EPB41L3: variants seen among roughly 807,000 people sequenced by gnomAD.
The protein encoded by EPB41L3 is band 4.1-like protein 3.
Under a neutral mutation model 127.1 loss-of-function variants are expected in EPB41L3, and 57 were observed. That is an observed-to-expected ratio of 0.45 (90% CI 0.36 to 0.56). The LOEUF is 0.56. Ranked by LOEUF, EPB41L3 falls within the 20% of genes least tolerant of loss-of-function variation. The pLI, the probability that EPB41L3 is intolerant of heterozygous loss-of-function variation, is 0.00. For missense variants in EPB41L3, 1,273 were observed against 1,372.2 expected (o/e 0.93, Z 1.14); for synonymous variants, 572 against 549.5 (o/e 1.04, Z -0.57).
At chr18:5,502,106 T>C (rs373941467) in intron 1 of EPB41L3, among the ~76,000 whole-genome samples, 1 of 152,168 alleles carries the variant, frequency 6.6e-6, no homozygotes, top group Admixed American at 6.5e-5. Context: ...GGCCCTGTGG[T>C]TGGGGCTGCC....
chr18:5,447,573 T>C (rs1432095516), intron 3 of EPB41L3, among the ~76,000 whole-genome samples: 1 of 152,026 alleles, frequency 6.6e-6, no homozygotes, highest in African/African-American at 2.4e-5. Context: ...ACAAAAACTT[T>C]TCTCTACAAG....
intron 3 of EPB41L3, among the ~76,000 whole-genome samples, chr18:5,459,029 C>A (rs1172905807): frequency 6.6e-6 from 1 of 152,142 alleles, no homozygotes; most frequent in Non-Finnish European, 1.5e-5. Context: ...CAGGCACTTC[C>A]ATGAACCACA....
At chr18:5,594,249 T>C (rs978531084) in intron 3 of EPB41L3, among the ~76,000 whole-genome samples, 7 of 152,202 alleles carry the variant, frequency 4.6e-5, no homozygotes, top group African/African-American at 9.6e-5. Flanking sequence ...ATCCATGTTC[T>C]TCTGCCATGG....
At chr18:5,486,267 A>C (rs748751942) in intron 2 of EPB41L3, among the ~76,000 whole-genome samples, 6 of 152,136 alleles carry the variant, frequency 3.9e-5, no homozygotes, top group Non-Finnish European at 7.4e-5. Context: ...GGTGTAGGGA[A>C]AACTGGATAA....
chr18:5,450,485 G>A (rs1451786557), intron 3 of EPB41L3, among the ~76,000 whole-genome samples: 1 of 151,284 alleles, frequency 6.6e-6, no homozygotes, highest in Non-Finnish European at 1.5e-5. Flanking sequence ...GAGGGGAAGA[G>A]TGTGAGGGGG....
chr18:5,544,601 T>TAG (rs1481701010), upstream of EPB41L3, among the ~76,000 whole-genome samples: 1 of 152,172 alleles, frequency 6.6e-6, no homozygotes, highest in African/African-American at 2.4e-5. Context: ...CGGAGGTGGC[T>TAG]CACTGACTTG....
chr18:5,569,320 A>C (rs2094247089), intron 3 of EPB41L3, among the ~76,000 whole-genome samples: 1 of 152,248 alleles, frequency 6.6e-6, no homozygotes, highest in Admixed American at 6.5e-5. Context: ...CCAATCACTC[A>C]CCTTTTAATT....
intron 3 of EPB41L3, among the ~76,000 whole-genome samples, chr18:5,446,421 T>C (rs1476950164): frequency 6.6e-6 from 1 of 152,244 alleles, no homozygotes; most frequent in Admixed American, 6.5e-5. Flanking sequence ...CCTTTAAACA[T>C]AGTCATGAAG....
At chr18:5,533,094 T>C (rs1316417474) in intron 1 of EPB41L3, among the ~76,000 whole-genome samples, 1 of 152,004 alleles carries the variant, frequency 6.6e-6, no homozygotes, top group East Asian at 1.9e-4. Context: ...GAAAACCCTC[T>C]CAGAGGTAAC....
chr18:5,405,480 T>C (rs1275627335), intron 16 of EPB41L3, among the ~76,000 whole-genome samples: 1 of 152,174 alleles, frequency 6.6e-6, no homozygotes, highest in Non-Finnish European at 1.5e-5. Flanking sequence ...TCCCACACAA[T>C]GGGAGCCCTG....
intron 3 of EPB41L3, among the ~76,000 whole-genome samples, chr18:5,572,675 G>C (rs974381812): frequency 6.6e-6 from 1 of 152,136 alleles, no homozygotes; most frequent in Non-Finnish European, 1.5e-5. Flanking sequence ...CTGGGCTCAA[G>C]CAATCCTCCT....
chr18:5,527,134 A>G (rs912016072), intron 1 of EPB41L3, among the ~76,000 whole-genome samples: 1 of 152,116 alleles, frequency 6.6e-6, no homozygotes, highest in Non-Finnish European at 1.5e-5. Context: ...TAAGGGGGAG[A>G]AATTATCCCA....
intron 16 of EPB41L3, chr18:5,400,524 G>A (rs1567985160): frequency 2.2e-6 from 1 of 456,736 alleles, no homozygotes; most frequent in African/African-American, 2.0e-5. Flanking sequence ...CAGTTTTCTG[G>A]AAAATTATTT....
Position 5,396,181 on chromosome 18 carries a change from G to T in EPB41L3, c.2973+20C>A. The T allele has an allele frequency of 1.2e-6, 2 of 1,613,970 alleles. No individual in the cohort carries two copies. The highest frequency in any genetic ancestry group is 1.7e-6 in the Non-Finnish European group (2 of 1,179,852). ...GGTGAAATAAGCAGCCAGGGCTCTG[G>T]TCTTCACAGAATATCTCACCTGTGA... On this transcript the variant is annotated intron_variant, in intron 19 of 22. Coordinates refer to ENST00000341928, the MANE Select transcript of EPB41L3 (RefSeq NM_012307.5).
chr18:5,412,384 C>G (rs967219120), intron 13 of EPB41L3, among the ~76,000 whole-genome samples: 1 of 151,950 alleles, frequency 6.6e-6, no homozygotes, highest in Admixed American at 6.6e-5. Context: ...TGCCACCATG[C>G]CTGGCTAATT....
intron 3 of EPB41L3, among the ~76,000 whole-genome samples, chr18:5,607,471 C>T (rs1217291932): frequency 6.6e-6 from 1 of 152,104 alleles, no homozygotes; most frequent in African/African-American, 2.4e-5. Context: ...TGTCCCTCTG[C>T]TTTTGAGAAA....
At chr18:5,547,053 T>TCTTA (rs1555798386), upstream of EPB41L3, among the ~76,000 whole-genome samples, 1 of 151,216 alleles carries the variant, frequency 6.6e-6, no homozygotes, top group Non-Finnish European at 1.5e-5. Context: ...ATGTATCACC[T>TCTTA]CTTACTAAGT....
intron 1 of EPB41L3, among the ~76,000 whole-genome samples, chr18:5,531,763 A>G (rs1402751079): frequency 6.6e-6 from 1 of 151,876 alleles, no homozygotes. Flanking sequence ...GGAAGAAAGA[A>G]AAAGGTTATA....
chr18:5,487,561 G>A (rs1311867178), intron 2 of EPB41L3, among the ~76,000 whole-genome samples: 1 of 148,388 alleles, frequency 6.7e-6, no homozygotes. Flanking sequence ...GTGTAATCTC[G>A]GCTCACTGAA....
Sources: allele counts gnomAD v4.1 joint callset (sites outside exome capture counted in the v4.1 genomes callset), GRCh38; gene constraint gnomAD v4.1.1; transcripts MANE v1.5; gene names NCBI Gene and HGNC (gene_info 2026-07-23, HGNC 2026-07-21).